The following HIPK2 variants were observed in gnomAD, a reference collection of about 807,000 sequenced individuals.
The protein encoded by HIPK2 is homeodomain interacting protein kinase 2.
In HIPK2, 27 loss-of-function variants were observed where a neutral mutation model predicts 113.7. The ratio of observed to expected loss-of-function variants is 0.24; its 90% CI spans 0.17 to 0.33. The LOEUF is 0.33. HIPK2 is among the 10% of genes least tolerant of loss of function. HIPK2 has a pLI of 1.00. For synonymous variants in HIPK2, 631 were observed against 642.2 expected (o/e 0.98, Z 0.26); for missense variants, 1,257 against 1,588.0 (o/e 0.79, Z 3.54).
chr7:139,736,316 T>C (rs1795936657), intron 1 of HIPK2, among the ~76,000 whole-genome samples: 1 of 152,188 alleles, frequency 6.6e-6, no homozygotes, highest in African/African-American at 2.4e-5. Context: ...GCTGGTCCCC[T>C]TTGGCGTCCT....
intron 12 of HIPK2, among the ~76,000 whole-genome samples, chr7:139,588,565 C>T: frequency 6.6e-6 from 1 of 150,796 alleles, no homozygotes; most frequent in African/African-American, 2.4e-5. Flanking sequence ...AAAAGAATAT[C>T]TCGAAATATT....
Position 139,765,723 on chromosome 7 carries a change from C to G in HIPK2, c.19+11882G>C, listed in dbSNP as rs548220205. ...GTCCCATTCCCATTCAGGTAATCAG[C>G]CTTCCTTTCCCCATGGCCTCACAGC... is the stretch of plus-strand genomic sequence containing the variant. On this transcript the variant is annotated intron_variant, in intron 1 of 14. Coordinates refer to ENST00000406875, the MANE Select transcript of HIPK2 (RefSeq NM_022740.5). Among the ~76,000 whole-genome samples the G allele has an allele frequency of 2.3e-4, 35 of 152,244 alleles. No individual in the cohort carries two copies. The East Asian group carries it at 6.6e-3, about 29-fold the overall frequency.
chr7:139,764,653 A>G (rs1055125785), intron 1 of HIPK2, among the ~76,000 whole-genome samples: 1 of 152,210 alleles, frequency 6.6e-6, no homozygotes. Context: ...TGAAAAAAGA[A>G]GTCTAGGTAA....
chr7:139,677,551 A>G (rs1477911914), intron 2 of HIPK2, among the ~76,000 whole-genome samples: 3 of 152,192 alleles, frequency 2.0e-5, no homozygotes, highest in South Asian at 2.1e-4. Flanking sequence ...AGCTAAGCTA[A>G]CAGCTACATG....
intron 1 of HIPK2, among the ~76,000 whole-genome samples, chr7:139,772,966 A>T (rs570878737): frequency 1.3e-5 from 2 of 152,070 alleles, no homozygotes; most frequent in East Asian, 3.9e-4. Flanking sequence ...GAGAAGAAAA[A>T]ATTCCATCTT....
rs182540283 is a variant in HIPK2 at position 139,613,999 on chromosome 7, A to G, written c.1990+287T>C. On this transcript the variant is annotated intron_variant, in intron 8 of 14. Coordinates refer to ENST00000406875, the MANE Select transcript of HIPK2 (RefSeq NM_022740.5). The surrounding 1 kb of genome is among the most constrained non-coding windows in gnomAD (Gnocchi z 4.2). Reference sequence around the variant, plus strand: ...AGAGCTGACATCAGCATAACAATGAAAGCACAAACTATGTACTTATTTACA... The same window carrying G: ...AGAGCTGACATCAGCATAACAATGAGAGCACAAACTATGTACTTATTTACA... Among the ~76,000 whole-genome samples, 1 of 152,310 alleles carries G rather than the reference A, an allele frequency of 6.6e-6. No individual in the cohort carries two copies. The highest frequency in any genetic ancestry group is 2.4e-5 in the African/African-American group (1 of 41,564).
chr7:139,561,685 C>T lies in HIPK2; in HGVS notation c.*11242G>A, dbSNP rs1054452536. ...TTTTAATTAATAAGTCATTTCACCTCGGAGACCGAAAAAATGATCAAAAAG... is the reference window on the plus strand; with the variant it reads ...TTTTAATTAATAAGTCATTTCACCTTGGAGACCGAAAAAATGATCAAAAAG... On this transcript the variant is annotated 3_prime_UTR_variant, in exon 15 of 15. Coordinates refer to ENST00000406875, the MANE Select transcript of HIPK2 (RefSeq NM_022740.5). 2 of 151,916 alleles carry T rather than the reference C, an allele frequency of 1.3e-5. No individual in the cohort carries two copies. Among genetic ancestry groups the T allele is most frequent in the Non-Finnish European group, 2.9e-5 (2 of 68,004 alleles). The allele number at this position is 151,916 out of a possible 1,614,324, so 9.4% of individuals were successfully genotyped here.
At chr7:139,650,734 T>C (rs1801428956) in intron 2 of HIPK2, among the ~76,000 whole-genome samples, 1 of 152,220 alleles carries the variant, frequency 6.6e-6, no homozygotes, top group Non-Finnish European at 1.5e-5. Context: ...CTGCCTTGAA[T>C]CACTTACTCT....
chr7:139,758,278 TC>T (rs760296930), intron 1 of HIPK2, among the ~76,000 whole-genome samples: 15 of 152,004 alleles, frequency 9.9e-5, no homozygotes, highest in Non-Finnish European at 1.6e-4. Flanking sequence ...TAACAACAGA[TC>T]AACCCATGGA....
chr7:139,580,991 G>A (rs532135206), intron 13 of HIPK2, among the ~76,000 whole-genome samples: 7 of 152,060 alleles, frequency 4.6e-5, no homozygotes, highest in African/African-American at 9.7e-5. Context: ...AGGCTGAGGC[G>A]GGTGGATTGC....
At chr7:139,774,484 G>A (rs772745787) in intron 1 of HIPK2, among the ~76,000 whole-genome samples, 2 of 152,134 alleles carry the variant, frequency 1.3e-5, no homozygotes, top group Non-Finnish European at 2.9e-5. Flanking sequence ...CTAAACACAG[G>A]AACAGATATT....
Position 139,637,294 on chromosome 7 carries a change from G to A in HIPK2, c.1104-5569C>T, listed in dbSNP as rs188809591. ...CTTCAGGGGCTCCCCACTGGACTTG[G>A]AATGAAATCTAGACCCCTCCATGGC... On this transcript the variant is annotated intron_variant, in intron 2 of 14. Transcript: ENST00000406875. Among the ~76,000 whole-genome samples the A allele has an allele frequency of 3.3e-5, 5 of 152,308 alleles. No individual in the cohort carries two copies. The East Asian group carries it at 9.6e-4, about 29-fold the overall frequency.
intron 2 of HIPK2, among the ~76,000 whole-genome samples, chr7:139,665,009 T>C (rs1232267095): frequency 6.6e-6 from 1 of 151,510 alleles, no homozygotes; most frequent in African/African-American, 2.4e-5. Context: ...CTTCCAGCTC[T>C]TTCCTTGGTT....
intron 2 of HIPK2, among the ~76,000 whole-genome samples, chr7:139,670,413 ATC>A (rs1802222878): frequency 1.6e-5 from 2 of 126,026 alleles, no homozygotes; most frequent in Non-Finnish European, 3.3e-5. Flanking sequence ...ACGAGAGCCT[ATC>A]TCTACAAAAA....
intron 1 of HIPK2, among the ~76,000 whole-genome samples, chr7:139,723,473 C>T (rs1029086525): frequency 4.6e-5 from 7 of 152,132 alleles, no homozygotes; most frequent in African/African-American, 9.7e-5. Flanking sequence ...GGATTACAGG[C>T]GTGAGCCACT....
chr7:139,598,444 T>C (rs1184122564), intron 11 of HIPK2, among the ~76,000 whole-genome samples: 1 of 152,350 alleles, frequency 6.6e-6, no homozygotes, highest in East Asian at 1.9e-4. Context: ...TATTTGTCGT[T>C]GCTAATACAT....
intron 2 of HIPK2, among the ~76,000 whole-genome samples, chr7:139,698,588 C>T (rs1384303431): frequency 1.3e-5 from 2 of 152,146 alleles, no homozygotes; most frequent in African/African-American, 4.8e-5. Context: ...GATGTAAGAG[C>T]GTTCCTGAAA....
At chr7:139,608,345 G>T (rs1799699152) in intron 9 of HIPK2, among the ~76,000 whole-genome samples, 1 of 138,510 alleles carries the variant, frequency 7.2e-6, no homozygotes. Flanking sequence ...TATATAACAG[G>T]GATAATATAT....
intron 2 of HIPK2, among the ~76,000 whole-genome samples, chr7:139,648,761 G>T (rs890772178): frequency 6.6e-6 from 1 of 151,906 alleles, no homozygotes; most frequent in African/African-American, 2.4e-5. Context: ...GTGGAGGGCG[G>T]AGCAGAAGGA....
Sources: allele counts gnomAD v4.1 joint callset (sites outside exome capture counted in the v4.1 genomes callset), GRCh38; gene constraint gnomAD v4.1.1; non-coding constraint Gnocchi (gnomAD v3.1); transcripts MANE v1.5; gene names NCBI Gene and HGNC (gene_info 2026-07-23, HGNC 2026-07-21).